TARBP1: variants seen among roughly 807,000 people sequenced by gnomAD.
The protein encoded by TARBP1 is tRNA guanosine 2 -O-methyltransferase TARBP1.
In TARBP1, 144 loss-of-function variants were observed where a neutral mutation model predicts 178.6. The ratio of observed to expected loss-of-function variants is 0.81; its 90% CI spans 0.70 to 0.93. TARBP1 has a LOEUF of 0.93. Among genes scored for constraint, TARBP1 ranks in the 40% least tolerant of loss-of-function variants. The pLI, the probability that TARBP1 is intolerant of heterozygous loss-of-function variation, is 0.00. For synonymous variants in TARBP1, 787 were observed against 781.0 expected (o/e 1.01, Z -0.13); for missense variants, 2,067 against 2,011.7 (o/e 1.03, Z -0.53).
At position 234,427,346 on chromosome 1, in the gene TARBP1, A is replaced by T; in HGVS notation, c.3294T>A (p.His1098Gln). The change falls in exon 19 of 30, where the codon CAT (histidine) becomes CAA (glutamine). Residue 1098 changes from histidine to glutamine, a missense_variant. Physicochemically the swap from His to Gln is conservative, Grantham distance 24 (BLOSUM62 0). Coordinates refer to ENST00000040877, the MANE Select transcript of TARBP1 (RefSeq NM_005646.4). ...CCATAACAATATTTGCCGCACAGTC[A>T]TGTCCAAGGTTTTCTATGAAGGTCT... ...DVQTFIENLG[H>Q]DCAANIVMEN... 1 of 1,612,428 alleles carries T rather than the reference A, an allele frequency of 6.2e-7. No homozygotes were observed. Among genetic ancestry groups the T allele is most frequent in the Non-Finnish European group, 8.5e-7 (1 of 1,179,248 alleles).
At chr1:234,424,751 C>T (rs926319023) in intron 20 of TARBP1, among the ~76,000 whole-genome samples, 3 of 152,022 alleles carry the variant, frequency 2.0e-5, no homozygotes, top group South Asian at 2.1e-4. Context: ...CATGGTGAAA[C>T]CCTGTCTCTG....
intron 20 of TARBP1, among the ~76,000 whole-genome samples, chr1:234,421,426 G>A (rs946729455): frequency 1.3e-5 from 2 of 152,162 alleles, no homozygotes; most frequent in Non-Finnish European, 2.9e-5. Context: ...AAAAAACTGG[G>A]AGCTATGGGT....
chr1:234,464,070 G>A, intron 5 of TARBP1, 136 bp from the exon 6 acceptor site: 1 of 461,938 alleles, frequency 2.2e-6, no homozygotes, highest in South Asian at 7.3e-5. Context: ...TTCTGAACCT[G>A]CATTTCATTT....
At chr1:234,438,893 G>C (rs1572326934) in intron 12 of TARBP1, among the ~76,000 whole-genome samples, 1 of 152,174 alleles carries the variant, frequency 6.6e-6, no homozygotes, top group Non-Finnish European at 1.5e-5. Context: ...CTTGAAAACA[G>C]AGAAAAATGA....
chr1:234,473,469 T>A (rs2103311484), intron 1 of TARBP1, among the ~76,000 whole-genome samples: 1 of 152,318 alleles, frequency 6.6e-6, no homozygotes, highest in South Asian at 2.1e-4. Context: ...CAGACATTAG[T>A]CCTACTGACA....
At chr1:234,478,049 G>A in intron 1 of TARBP1, 124 bp downstream of exon 1, 2 of 977,212 alleles carry the variant, frequency 2.0e-6, no homozygotes, top group Non-Finnish European at 3.0e-6. Context: ...GAGCAACGCG[G>A]AATAACCAAA....
At chr1:234,468,252 A>G (rs1464347545) in intron 3 of TARBP1, among the ~76,000 whole-genome samples, 2 of 152,128 alleles carry the variant, frequency 1.3e-5, no homozygotes, top group Admixed American at 6.5e-5. Context: ...CAGGAGTTTG[A>G]GACCAGCCTG....
chr1:234,399,465 G>C (rs143409672), intron 25 of TARBP1, among the ~76,000 whole-genome samples: 1 of 152,180 alleles, frequency 6.6e-6, no homozygotes, highest in African/African-American at 2.4e-5. Flanking sequence ...AACCATTGTG[G>C]AAGTCAGTGT....
At chr1:234,468,170 G>A (rs1668645084) in intron 3 of TARBP1, among the ~76,000 whole-genome samples, 1 of 152,088 alleles carries the variant, frequency 6.6e-6, no homozygotes, top group South Asian at 2.1e-4. Context: ...GACTGTAAAT[G>A]GGCCAGGCAT....
At chr1:234,440,114 A>G (rs549687364) in intron 12 of TARBP1, among the ~76,000 whole-genome samples, 41 of 152,330 alleles carry the variant, frequency 2.7e-4, no homozygotes, top group African/African-American at 9.9e-4. Flanking sequence ...TAAATAATTC[A>G]TGGGTCAAAG....
intron 24 of TARBP1, among the ~76,000 whole-genome samples, chr1:234,404,441 G>A (rs146130926): frequency 1.0e-3 from 154 of 151,764 alleles, no homozygotes; most frequent in African/African-American, 3.7e-3. Flanking sequence ...ATGCAAATGC[G>A]ATCCTGAGAA....
chr1:234,408,200 GTTT>G (rs543788841), intron 23 of TARBP1, among the ~76,000 whole-genome samples: 2 of 143,570 alleles, frequency 1.4e-5, no homozygotes, highest in African/African-American at 2.6e-5. Context: ...ATTAAGAAAG[GTTT>G]TTTTTTTTTT....
At chr1:234,428,735 G>C (rs990759002) in intron 17 of TARBP1, among the ~76,000 whole-genome samples, 6 of 152,046 alleles carry the variant, frequency 3.9e-5, no homozygotes, top group African/African-American at 1.4e-4. Flanking sequence ...TAGTAAAGAC[G>C]GGGTTTTGCC....
chr1:234,444,552 C>T (rs1411522966), intron 12 of TARBP1, among the ~76,000 whole-genome samples: 1 of 152,148 alleles, frequency 6.6e-6, no homozygotes, highest in East Asian at 1.9e-4. Context: ...ATCGCAACCT[C>T]AAGGGCGTGC....
chr1:234,392,629 T>C (rs929729115), intron 28 of TARBP1, 77 bp from the exon 29 acceptor site: 3 of 1,321,068 alleles, frequency 2.3e-6, no homozygotes, highest in African/African-American at 3.0e-5. Flanking sequence ...TTAAAAAACG[T>C]ATTAACCTAA....
At position 234,451,555 on chromosome 1, in the gene TARBP1, G is replaced by A. The variant is rs1159066636; in HGVS notation, c.1723-989C>T. On this transcript the variant is annotated intron_variant, in intron 9 of 29. Transcript: ENST00000040877. ...GAGGTCAGGAGATCGAGACCATCCC[G>A]GCTAAAAACGGTGAAACCCCGTCTC... Among the ~76,000 whole-genome samples the A allele has an allele frequency of 1.1e-4, 4 of 37,044 alleles. 1 individual carries two copies. Among genetic ancestry groups the A allele is most frequent in the South Asian group, 1.4e-3 (2 of 1,480 alleles). 24.3% of individuals were successfully genotyped at this position (37,044 alleles called of 152,430 possible).
chr1:234,455,562 C>T (rs1667187423), intron 9 of TARBP1, among the ~76,000 whole-genome samples: 1 of 152,170 alleles, frequency 6.6e-6, no homozygotes, highest in African/African-American at 2.4e-5. Context: ...TATGAATATA[C>T]ATTTTAATGA....
In TARBP1 at chr1:234,405,962, A is replaced by G. The variant is rs751626460; in HGVS notation, c.3930T>C (p.Asp1310=). The change falls in exon 24 of 30, where the codon GAT becomes GAC. Residue 1310 remains aspartate (D), a synonymous_variant. Coordinates refer to ENST00000040877, the MANE Select transcript of TARBP1 (RefSeq NM_005646.4). ...TGGATTCAATCACAGGAGTCAGGGC[A>G]TCAAATTCTTCAACACTTAACACTT... ...VCKVLSVEEF[D]ALTPVIESSL... The G allele has an allele frequency of 8.7e-6, 14 of 1,614,090 alleles. No homozygotes were observed. The highest frequency in any genetic ancestry group is 8.3e-5 in the Admixed American group (5 of 60,008).
chr1:234,392,757 C>T, intron 28 of TARBP1: 1 of 355,072 alleles, frequency 2.8e-6, no homozygotes, highest in South Asian at 3.9e-5. Context: ...GTCACCCAGG[C>T]TGGAGTGCAG....
Sources: allele counts gnomAD v4.1 joint callset (sites outside exome capture counted in the v4.1 genomes callset), GRCh38; gene constraint gnomAD v4.1.1; transcripts MANE v1.5; gene names NCBI Gene and HGNC (gene_info 2026-07-23, HGNC 2026-07-21).